The following ASTN2 variants were observed in gnomAD, a reference collection of about 807,000 sequenced individuals.
ASTN2 encodes astrotactin-2.
In ASTN2, 54 loss-of-function variants were observed where a neutral mutation model predicts 139.8. The observed-to-expected ratio is 0.39, with a 90% CI of 0.31 to 0.48. ASTN2 has a LOEUF of 0.48. Among genes scored for constraint, ASTN2 ranks in the 20% least tolerant of loss-of-function variants. The pLI, the probability that ASTN2 is intolerant of heterozygous loss-of-function variation, is 0.95. For synonymous variants in ASTN2, 756 were observed against 719.5 expected, an observed-to-expected ratio of 1.05 and a Z score of -0.81; for missense variants, 1,565 against 1,725.1, an observed-to-expected ratio of 0.91 and a Z score of 1.64.
At chr9:117,005,087 T>TTC in intron 7 of ASTN2, among the ~76,000 whole-genome samples, 1 of 136,642 alleles carries the variant, frequency 7.3e-6, no homozygotes, top group Non-Finnish European at 1.6e-5. Flanking sequence ...TCGATTTTTT[T>TTC]TTTTTTTTTT....
intron 22 of ASTN2, chr9:116,437,114 G>A (rs965633334): frequency 1.2e-5 from 4 of 321,354 alleles, no homozygotes; most frequent in African/African-American, 2.2e-5. Flanking sequence ...GCTAGATGAC[G>A]AGTTAGTGGG....
intron 19 of ASTN2, among the ~76,000 whole-genome samples, chr9:116,564,310 C>G (rs553046218): frequency 6.0e-4 from 92 of 152,300 alleles, no homozygotes; most frequent in African/African-American, 2.1e-3. Context: ...AACTGATTGC[C>G]TCCCAGTCAT....
At chr9:116,790,966 G>GGAAAGAAAGAAAGAAA (rs1180188046) in intron 13 of ASTN2, among the ~76,000 whole-genome samples, 7 of 65,872 alleles carry the variant, frequency 1.1e-4, no homozygotes, top group Admixed American at 1.7e-4. Flanking sequence ...AAAGAAAGAA[G>GGAAAGAAAGAAAGAAA]GAAAGAAAGA....
intron 1 of ASTN2, among the ~76,000 whole-genome samples, chr9:117,412,711 AG>A (rs1831202523): frequency 6.6e-6 from 1 of 152,100 alleles, no homozygotes; most frequent in Admixed American, 6.5e-5. Flanking sequence ...CTCATCTCTC[AG>A]AGTACCCCGG....
At chr9:117,172,074 A>G (rs537524773) in intron 3 of ASTN2, among the ~76,000 whole-genome samples, 1 of 152,300 alleles carries the variant, frequency 6.6e-6, no homozygotes, top group South Asian at 2.1e-4. Context: ...GGAAATATCA[A>G]TTTATGATCT....
In ASTN2 at chr9:116,529,794, C is replaced by A. The variant is rs188827864; in HGVS notation, c.3356-42294G>T. ...ACTTCCCTCCTCACTCTCTTTCCTG[C>A]CACCATGTAAGACATGTCCTGCTTC... On this transcript the variant is annotated intron_variant, in intron 19 of 22. Transcript: ENST00000313400. Among the ~76,000 whole-genome samples the A allele has an allele frequency of 9.1e-4, 139 of 152,072 alleles. 2 individuals are homozygous for A. Among genetic ancestry groups the A allele is most frequent in the African/African-American group, 3.3e-3 (137 of 41,514 alleles).
At chr9:117,017,874 A>G (rs1053465316) in intron 6 of ASTN2, among the ~76,000 whole-genome samples, 8 of 152,058 alleles carry the variant, frequency 5.3e-5, no homozygotes, top group Non-Finnish European at 1.2e-4. Flanking sequence ...AATTCTGTCA[A>G]TAATGTGTCC....
intron 14 of ASTN2, among the ~76,000 whole-genome samples, chr9:116,731,782 A>G (rs1477128127): frequency 6.6e-6 from 1 of 152,226 alleles, no homozygotes. Flanking sequence ...GTCCAAGGAC[A>G]TACCAGGATC....
At chr9:116,790,175 C>T (rs1435985923) in intron 13 of ASTN2, among the ~76,000 whole-genome samples, 4 of 152,146 alleles carry the variant, frequency 2.6e-5, no homozygotes, top group African/African-American at 9.7e-5. Flanking sequence ...ATCTGCCTGC[C>T]TCGGCCTCCC....
intron 19 of ASTN2, chr9:116,583,570 T>A (rs1224231372): frequency 1.3e-5 from 2 of 149,046 alleles, no homozygotes; most frequent in African/African-American, 5.0e-5. Flanking sequence ...CAGACATAGA[T>A]CCTTACCTTA....
rs370169325 is a variant in ASTN2 at position 116,425,678 on chromosome 9, G to C, written c.*173C>G. Reference sequence around the variant, plus strand: ...AATGAATAATTCCATTGGTTACAAAGGTCTCTGTCCACTATCCACAGGAGA... The same window carrying C: ...AATGAATAATTCCATTGGTTACAAACGTCTCTGTCCACTATCCACAGGAGA... On this transcript the variant is annotated 3_prime_UTR_variant, in exon 23 of 23. Coordinates refer to ENST00000313400, the MANE Select transcript of ASTN2 (RefSeq NM_001365068.1). 2 of 1,609,062 alleles carry C rather than the reference G, an allele frequency of 1.2e-6. No individual in the cohort carries two copies. The highest frequency in any genetic ancestry group is 2.7e-5 in the African/African-American group (2 of 74,442).
intron 10 of ASTN2, among the ~76,000 whole-genome samples, chr9:116,942,092 A>ATG (rs1564351936): frequency 5.6e-5 from 8 of 141,680 alleles, no homozygotes; most frequent in Non-Finnish European, 1.1e-4. Flanking sequence ...GCACGCACGC[A>ATG]CACACACACA....
At chr9:116,718,831 A>T (rs760545209) in intron 16 of ASTN2, among the ~76,000 whole-genome samples, 1 of 151,860 alleles carries the variant, frequency 6.6e-6, no homozygotes, top group Non-Finnish European at 1.5e-5. Context: ...TCACACTGGA[A>T]TTACACCATC....
intron 20 of ASTN2, among the ~76,000 whole-genome samples, chr9:116,486,026 T>C (rs1849327340): frequency 6.6e-6 from 1 of 152,288 alleles, no homozygotes. Context: ...AGCCAGGGTG[T>C]TTCTTGTTTA....
intron 5 of ASTN2, among the ~76,000 whole-genome samples, chr9:117,060,833 T>G (rs190309276): frequency 6.6e-6 from 1 of 151,824 alleles, no homozygotes; most frequent in Non-Finnish European, 1.5e-5. Context: ...AGGTGGAGCT[T>G]GCAGTGAGCC....
At chr9:116,712,523 T>C (rs1828193787) in intron 16 of ASTN2, among the ~76,000 whole-genome samples, 1 of 152,184 alleles carries the variant, frequency 6.6e-6, no homozygotes, top group Non-Finnish European at 1.5e-5. Flanking sequence ...AGCTCATATG[T>C]TGACATATGT....
chr9:117,075,593 G>A (rs1828261461), intron 5 of ASTN2, among the ~76,000 whole-genome samples: 1 of 152,172 alleles, frequency 6.6e-6, no homozygotes, highest in South Asian at 2.1e-4. Flanking sequence ...GGGAGAATGG[G>A]AATTCAGACT....
intron 19 of ASTN2, among the ~76,000 whole-genome samples, chr9:116,554,697 T>C (rs1852518930): frequency 6.6e-6 from 1 of 152,194 alleles, no homozygotes; most frequent in African/African-American, 2.4e-5. Flanking sequence ...AAAATTCTTT[T>C]GTTTTCACTG....
At chr9:117,185,443 T>C (rs1289183590) in intron 3 of ASTN2, among the ~76,000 whole-genome samples, 1 of 152,154 alleles carries the variant, frequency 6.6e-6, no homozygotes, top group African/African-American at 2.4e-5. Flanking sequence ...ATGCGTGCTT[T>C]AGTAAAAAGG....
Sources: allele counts gnomAD v4.1 joint callset (sites outside exome capture counted in the v4.1 genomes callset), GRCh38; gene constraint gnomAD v4.1.1; transcripts MANE v1.5; gene names NCBI Gene and HGNC (gene_info 2026-07-23, HGNC 2026-07-21).